IGFBP2: variants seen among roughly 807,000 people sequenced by gnomAD.
IGFBP2 encodes the protein insulin-like growth factor-binding protein 2.
A neutral mutation model predicts 26.2 loss-of-function variants in IGFBP2; 12 were observed. The observed-to-expected ratio is 0.46, with a 90% CI of 0.29 to 0.74. The LOEUF (loss-of-function observed/expected upper bound fraction) is 0.74, where lower values mean the gene tolerates loss of function less well. Among genes scored for constraint, IGFBP2 ranks in the 30% least tolerant of loss-of-function variants. The pLI is 0.09. For synonymous variants in IGFBP2, 189 were observed against 200.6 expected, an observed-to-expected ratio of 0.94 and a Z score of 0.49; for missense variants, 328 against 441.2, an observed-to-expected ratio of 0.74 and a Z score of 2.30.
At chr2:216,655,847 A>C (rs532028066) in intron 1 of IGFBP2, among the ~76,000 whole-genome samples, 26 of 151,954 alleles carry the variant, frequency 1.7e-4, no homozygotes, top group African/African-American at 6.0e-4. Context: ...GTGAGCCAAG[A>C]TCGTGCCACT....
chr2:216,650,267 G>A (rs1043932621), intron 1 of IGFBP2, among the ~76,000 whole-genome samples: 1 of 152,172 alleles, frequency 6.6e-6, no homozygotes, highest in East Asian at 1.9e-4. Flanking sequence ...ACTTCTGACT[G>A]GGTCTAATTC....
At chr2:216,645,164 G>A (rs779390767) in intron 1 of IGFBP2, among the ~76,000 whole-genome samples, 9 of 152,194 alleles carry the variant, frequency 5.9e-5, no homozygotes, top group Admixed American at 1.3e-4. Flanking sequence ...GCCCTGCCCC[G>A]TGACTTCCTG....
intron 1 of IGFBP2, among the ~76,000 whole-genome samples, chr2:216,647,190 G>A (rs1697727532): frequency 6.6e-6 from 1 of 152,070 alleles, no homozygotes; most frequent in African/African-American, 2.4e-5. Flanking sequence ...ATGAAAGTAA[G>A]AGAATCAAGT....
At chr2:216,647,752 C>T (rs893932833) in intron 1 of IGFBP2, among the ~76,000 whole-genome samples, 3 of 152,172 alleles carry the variant, frequency 2.0e-5, no homozygotes, top group East Asian at 1.9e-4. Context: ...GATTTGCTGA[C>T]CTCGTGATCT....
At chr2:216,656,709 C>T (rs888072477) in intron 1 of IGFBP2, among the ~76,000 whole-genome samples, 6 of 152,166 alleles carry the variant, frequency 3.9e-5, no homozygotes, top group African/African-American at 1.4e-4. Flanking sequence ...GCTGCCTTTC[C>T]CGTCTCCAAC....
chr2:216,633,292 G>A (rs377353058), upstream of IGFBP2: 128 of 154,080 alleles, frequency 8.3e-4, no homozygotes, highest in Non-Finnish European at 2.6e-4. Context: ...GAGCGGGCGT[G>A]CGCGCACTCA....
At chr2:216,650,983 G>C (rs965419020) in intron 1 of IGFBP2, among the ~76,000 whole-genome samples, 13 of 152,110 alleles carry the variant, frequency 8.5e-5, no homozygotes, top group African/African-American at 2.9e-4. Context: ...CAGTTGGGGT[G>C]ATGTCATTAA....
chr2:216,651,710 T>C (rs1574562359), intron 1 of IGFBP2, among the ~76,000 whole-genome samples: 3 of 152,234 alleles, frequency 2.0e-5, no homozygotes. Flanking sequence ...TCCCCTCACA[T>C]GGCAGATATA....
At position 216,649,193 on chromosome 2, in the gene IGFBP2, GT is replaced by G. The variant is rs146307397; in HGVS notation, c.443-11360del. Among the ~76,000 whole-genome samples, 1,021 of 152,246 alleles carry G rather than the reference GT, an allele frequency of 6.7e-3. 7 individuals are homozygous for G. Among genetic ancestry groups the G allele is most frequent in the African/African-American group, 0.023 (959 of 41,548 alleles). On this transcript the variant is annotated intron_variant, in intron 1 of 3. Transcript: ENST00000233809. ...AAATAAATTGAAAATGCACATAAAG[GT>G]TTTATTTTCCCTCTTAACATTAGGT...
At chr2:216,645,554 T>G (rs1697695962) in intron 1 of IGFBP2, among the ~76,000 whole-genome samples, 1 of 152,232 alleles carries the variant, frequency 6.6e-6, no homozygotes, top group Non-Finnish European at 1.5e-5. Flanking sequence ...CTCATGTGCC[T>G]GCTTGATAAC....
chr2:216,640,853 G>A (rs1426514417), intron 1 of IGFBP2, among the ~76,000 whole-genome samples: 1 of 152,192 alleles, frequency 6.6e-6, no homozygotes, highest in African/African-American at 2.4e-5. Flanking sequence ...TTGACTCCAT[G>A]GACAGTTACA....
At chr2:216,655,326 G>A (rs1161523932) in intron 1 of IGFBP2, among the ~76,000 whole-genome samples, 1 of 152,200 alleles carries the variant, frequency 6.6e-6, no homozygotes, top group Non-Finnish European at 1.5e-5. Context: ...GAGATCAGGT[G>A]GAGGTAACTG....
chr2:216,641,560 T>C (rs1230655513), intron 1 of IGFBP2, among the ~76,000 whole-genome samples: 2 of 152,104 alleles, frequency 1.3e-5, no homozygotes, highest in Non-Finnish European at 2.9e-5. Flanking sequence ...AGTGAGGTGG[T>C]TTATGGAAAG....
chr2:216,654,035 G>T (rs1028644579), intron 1 of IGFBP2, among the ~76,000 whole-genome samples: 5 of 152,024 alleles, frequency 3.3e-5, no homozygotes, highest in African/African-American at 1.2e-4. Context: ...ATACATAAGT[G>T]GTTGCTTAAT....
intron 1 of IGFBP2, among the ~76,000 whole-genome samples, chr2:216,642,207 C>A (rs1481894968): frequency 1.3e-5 from 2 of 151,906 alleles, no homozygotes; most frequent in Non-Finnish European, 2.9e-5. Flanking sequence ...ACAGTGTTAG[C>A]CAGGATGGTC....
At chr2:216,651,398 G>A (rs1019544949) in intron 1 of IGFBP2, among the ~76,000 whole-genome samples, 13 of 152,204 alleles carry the variant, frequency 8.5e-5, no homozygotes, top group African/African-American at 2.9e-4. Flanking sequence ...TGTATGTGCT[G>A]GCGTGTTTAT....
At chr2:216,639,783 T>C (rs1329784749) in intron 1 of IGFBP2, among the ~76,000 whole-genome samples, 1 of 152,024 alleles carries the variant, frequency 6.6e-6, no homozygotes, top group Non-Finnish European at 1.5e-5. Context: ...GCTGGAATTA[T>C]AGACACCTGC....
Position 216,660,728 on chromosome 2 carries a change from G to A in IGFBP2, c.614G>A (p.Gly205Asp), listed in dbSNP as rs1411871524. 5 of 1,613,168 alleles carry A rather than the reference G, an allele frequency of 3.1e-6. No individual in the cohort carries two copies. The highest frequency in any genetic ancestry group is 2.2e-5 in the East Asian group (1 of 44,872). The change falls in exon 2 of 4, where the codon GGT (glycine) becomes GAT (aspartate). Residue 205 changes from glycine (G) to aspartate (D), a missense_variant. By Grantham distance (94) the Gly-to-Asp change is moderately conservative. Coordinates refer to ENST00000233809, the MANE Select transcript of IGFBP2 (RefSeq NM_000597.3). Reference sequence around the variant, plus strand: ...GAGCAGCACCGGCAGATGGGCAAGGGTGGCAAGCATCACCTTGGCCTGGAG... The same window carrying A: ...GAGCAGCACCGGCAGATGGGCAAGGATGGCAAGCATCACCTTGGCCTGGAG... Reference protein sequence around the residue: ...VTEQHRQMGKGGKHHLGLEEP... With the variant: ...VTEQHRQMGKDGKHHLGLEEP...
In IGFBP2 at chr2:216,634,906, T is replaced by TTTTTTTTTTTTTTTTTTTTTTTA. The variant is rs371560018; in HGVS notation, c.442+941_442+942insTTTTTTTTTTTTTTTTTTTTTTA. ...TAAGGAGGTTACTTTTTTTTTTTTT[T>TTTTTTTTTTTTTTTTTTTTTTTA]AATTACGAAAGCCTCCTGCCCCAGT... On this transcript the variant is annotated intron_variant, in intron 1 of 3. Coordinates refer to ENST00000233809, the MANE Select transcript of IGFBP2 (RefSeq NM_000597.3). Among the ~76,000 whole-genome samples, 4 of 128,490 alleles carry TTTTTTTTTTTTTTTTTTTTTTTA rather than the reference T, an allele frequency of 3.1e-5. 1 individual carries two copies. Among genetic ancestry groups the TTTTTTTTTTTTTTTTTTTTTTTA allele is most frequent in the African/African-American group, 5.7e-5 (2 of 35,342 alleles). 84.3% of individuals were successfully genotyped at this position (128,490 alleles called of 152,430 possible).
Sources: gnomAD v4.1 joint callset for allele counts (sites outside exome capture counted in the v4.1 genomes callset) on GRCh38, gnomAD v4.1.1 for gene constraint, MANE v1.5 for transcripts, NCBI Gene and HGNC (gene_info 2026-07-23, HGNC 2026-07-21) for gene names.